Variants in ADCY2 observed in about 807,000 individuals in gnomAD.
ADCY2 encodes adenylate cyclase type 2.
ADCY2 carries 31 observed loss-of-function variants against 125.2 expected under a neutral mutation model. That is an observed-to-expected ratio of 0.25 (90% CI 0.19 to 0.33). The LOEUF (loss-of-function observed/expected upper bound fraction) is 0.33. Ranked by LOEUF, ADCY2 falls within the 10% of genes least tolerant of loss-of-function variation. The pLI is 1.00. For missense variants in ADCY2, 904 were observed against 1,418.2 expected, an observed-to-expected ratio of 0.64 and a Z score of 5.82; for synonymous variants, 512 against 548.4, an observed-to-expected ratio of 0.93 and a Z score of 0.93.
chr5:7,757,192 G>T (rs1223560523), intron 15 of ADCY2, among the ~76,000 whole-genome samples: 3 of 152,040 alleles, frequency 2.0e-5, no homozygotes. Context: ...CATAATTTCA[G>T]GTCTGTTTTA....
chr5:7,419,267 A>C (rs1260538225), intron 2 of ADCY2, among the ~76,000 whole-genome samples: 1 of 152,106 alleles, frequency 6.6e-6, no homozygotes, highest in African/African-American at 2.4e-5. Context: ...AGAAGAACCC[A>C]CGGAACTTGT....
chr5:7,727,329 T>A, intron 14 of ADCY2, 68 bp downstream of exon 14: 1 of 1,294,446 alleles, frequency 7.7e-7, no homozygotes, highest in Non-Finnish European at 1.1e-6. Context: ...CAGTTATATT[T>A]AAAGGTGTGA....
At chr5:7,707,920 C>A in intron 9 of ADCY2, 82 bp downstream of exon 9, 2 of 1,452,786 alleles carry the variant, frequency 1.4e-6, no homozygotes, top group South Asian at 1.3e-5. Context: ...TAGTCAATAT[C>A]CAATATAATT....
chr5:7,417,495 C>A (rs906614351), intron 2 of ADCY2, among the ~76,000 whole-genome samples: 2 of 152,250 alleles, frequency 1.3e-5, no homozygotes, highest in Middle Eastern at 3.4e-3. Flanking sequence ...TTGAGTGGGG[C>A]AGGACAGAGT....
At position 7,547,860 on chromosome 5, in the gene ADCY2, G is replaced by A. The variant is rs116351942; in HGVS notation, c.570+26961G>A. ...CTATGCAAGTCGTCCGTCCTGGAGGGACTTTCCCACAGCTCACTGCTTTCC... is the reference window on the plus strand; with the variant it reads ...CTATGCAAGTCGTCCGTCCTGGAGGAACTTTCCCACAGCTCACTGCTTTCC... On this transcript the variant is annotated intron_variant, in intron 3 of 24. Coordinates refer to ENST00000338316, the MANE Select transcript of ADCY2 (RefSeq NM_020546.3). 2.7e-3 allele frequency among the ~76,000 whole-genome samples: 411 copies of A among 152,318 alleles called. 1 individual carries two copies. The highest frequency in any genetic ancestry group is 9.3e-3 in the African/African-American group (388 of 41,564).
At chr5:7,637,442 A>G (rs1738548848) in intron 4 of ADCY2, among the ~76,000 whole-genome samples, 1 of 151,618 alleles carries the variant, frequency 6.6e-6, no homozygotes, top group African/African-American at 2.4e-5. Context: ...AAAAAAAAAA[A>G]AAAAAAAAAG....
chr5:7,483,485 A>G (rs907442463), intron 2 of ADCY2, among the ~76,000 whole-genome samples: 2 of 152,226 alleles, frequency 1.3e-5, no homozygotes, highest in African/African-American at 2.4e-5. Flanking sequence ...AGAGTACTGA[A>G]AACATTTCAT....
intron 7 of ADCY2, among the ~76,000 whole-genome samples, chr5:7,701,008 C>T (rs1055437319): frequency 6.6e-6 from 1 of 151,744 alleles, no homozygotes; most frequent in Non-Finnish European, 1.5e-5. Context: ...TAGTTTTTAG[C>T]TTTTTTTCAA....
chr5:7,662,656 A>G (rs1739571713), intron 4 of ADCY2, among the ~76,000 whole-genome samples: 1 of 152,226 alleles, frequency 6.6e-6, no homozygotes, highest in South Asian at 2.1e-4. Flanking sequence ...TGCCAAGAAT[A>G]CTTATTCTCT....
At chr5:7,594,225 G>A (rs1265047194) in intron 3 of ADCY2, among the ~76,000 whole-genome samples, 2 of 152,198 alleles carry the variant, frequency 1.3e-5, no homozygotes, top group Non-Finnish European at 2.9e-5. Context: ...AAATCCAGAC[G>A]AGAGGTGATG....
chr5:7,706,910 C>T lies in ADCY2; in HGVS notation c.1268+8C>T. ...AGCTGGAGGGGTCCCTGGGTAAGGC[C>T]AAGCATTGGATTTCTTTCTTCAAGC... On this transcript the variant is annotated splice_region_variant and intron_variant, in intron 8 of 24. Coordinates refer to ENST00000338316, the MANE Select transcript of ADCY2 (RefSeq NM_020546.3). 1 of 1,613,790 alleles carries T rather than the reference C, an allele frequency of 6.2e-7. No homozygotes were observed. The highest frequency in any genetic ancestry group is 8.5e-7 in the Non-Finnish European group (1 of 1,179,860).
intron 15 of ADCY2, among the ~76,000 whole-genome samples, chr5:7,744,701 C>T (rs1286172548): frequency 1.3e-5 from 2 of 152,276 alleles, no homozygotes; most frequent in Admixed American, 1.3e-4. Context: ...CTCTGAGCTT[C>T]TCAGCAGCTC....
intron 22 of ADCY2, among the ~76,000 whole-genome samples, chr5:7,805,714 TG>T (rs1744739969): frequency 1.3e-5 from 2 of 151,584 alleles, no homozygotes; most frequent in Admixed American, 6.6e-5. Context: ...AGAGTGAGAG[TG>T]GGGAGAGAGG....
chr5:7,608,383 C>T (rs1166763921), intron 3 of ADCY2, among the ~76,000 whole-genome samples: 1 of 152,022 alleles, frequency 6.6e-6, no homozygotes, highest in Non-Finnish European at 1.5e-5. Context: ...AGAGATCAGC[C>T]TGGGAAACAC....
intron 6 of ADCY2, among the ~76,000 whole-genome samples, chr5:7,697,295 A>G (rs1740925708): frequency 6.6e-6 from 1 of 152,200 alleles, no homozygotes; most frequent in African/African-American, 2.4e-5. Flanking sequence ...AATCAGTGGA[A>G]CAAAGGAGTA....
At chr5:7,417,652 T>G (rs1352895605) in intron 2 of ADCY2, among the ~76,000 whole-genome samples, 4 of 152,230 alleles carry the variant, frequency 2.6e-5, no homozygotes, top group African/African-American at 9.6e-5. Flanking sequence ...GTCCCCAGGT[T>G]GCATGTCCTT....
chr5:7,684,642 C>G (rs1740451459), intron 4 of ADCY2, among the ~76,000 whole-genome samples: 1 of 152,174 alleles, frequency 6.6e-6, no homozygotes, highest in Non-Finnish European at 1.5e-5. Context: ...CTGGTCATCT[C>G]CTTGAACCTG....
At chr5:7,634,286 G>GAAGGT (rs1738420306) in intron 4 of ADCY2, among the ~76,000 whole-genome samples, 1 of 152,178 alleles carries the variant, frequency 6.6e-6, no homozygotes, top group South Asian at 2.1e-4. Flanking sequence ...ATTTATATCT[G>GAAGGT]TAACAAATTG....
chr5:7,470,284 G>T (rs1464958605), intron 2 of ADCY2, among the ~76,000 whole-genome samples: 1 of 151,556 alleles, frequency 6.6e-6, no homozygotes, highest in African/African-American at 2.4e-5. Flanking sequence ...AGTGGTTGTT[G>T]ATTGTAATTC....
Sources: allele counts gnomAD v4.1 joint callset (sites outside exome capture counted in the v4.1 genomes callset), GRCh38; gene constraint gnomAD v4.1.1; transcripts MANE v1.5; gene names NCBI Gene and HGNC (gene_info 2026-07-23, HGNC 2026-07-21).